The following ERMARD variants were observed in gnomAD, a reference collection of about 807,000 sequenced individuals.
ERMARD encodes the protein endoplasmic reticulum membrane-associated RNA degradation protein.
A neutral mutation model predicts 83.9 loss-of-function variants in ERMARD; 71 were observed. The observed-to-expected ratio is 0.85, with a 90% confidence interval of 0.70 to 1.03. The LOEUF (loss-of-function observed/expected upper bound fraction) is 1.03, where lower values mean the gene tolerates loss of function less well. ERMARD is among the 50% of genes least tolerant of loss of function. The probability of loss-of-function intolerance (pLI) is 0.00; values close to 1 mark genes in which losing one functional copy is unlikely to be tolerated. For missense variants in ERMARD, 838 were observed against 810.9 expected (o/e 1.03, Z -0.41); for synonymous variants, 284 against 298.6 (o/e 0.95, Z 0.50).
In ERMARD at chr6:169,776,451, G is replaced by T; in HGVS notation, c.1521-4G>T. On this transcript the variant is annotated splice_region_variant and splice_polypyrimidine_tract_variant and intron_variant, in intron 15 of 17. Transcript: ENST00000366773. ...GCCTGCTCCAAGTCTGGCTCTGTTTGCAGGTGGCCCCAGCTTCTCCGTGAG... is the reference window on the plus strand; with the variant it reads ...GCCTGCTCCAAGTCTGGCTCTGTTTTCAGGTGGCCCCAGCTTCTCCGTGAG... 1 of 1,612,592 alleles carries T rather than the reference G, an allele frequency of 6.2e-7. No homozygotes were observed.
At chr6:169,773,934 C>T (rs1793277837) in intron 13 of ERMARD, among the ~76,000 whole-genome samples, 1 of 152,200 alleles carries the variant, frequency 6.6e-6, no homozygotes, top group East Asian at 1.9e-4. Context: ...ATATAAGCAT[C>T]ATGACAGTTG....
intron 12 of ERMARD, chr6:169,773,019 G>A: frequency 3.2e-6 from 1 of 317,352 alleles, no homozygotes; most frequent in East Asian, 5.3e-5. Context: ...CTATTTCCTA[G>A]TTACATTTCC....
chr6:169,753,908 GTATGA>G lies in ERMARD; in HGVS notation c.55_59del (p.Asp19AsnfsTer3). On this transcript the variant is annotated frameshift_variant, in exon 2 of 18. Coordinates refer to ENST00000366773, the MANE Select transcript of ERMARD (RefSeq NM_018341.3). LOFTEE classifies it high-confidence loss of function. ...TTACCACATGTCTTTCTCCCTCAGT[GTATGA>G]TATAATTTGTAATCTTGGGTTTCAA... The G allele has an allele frequency of 2.5e-6, 4 of 1,611,848 alleles. No individual in the cohort carries two copies. The highest frequency in any genetic ancestry group is 3.4e-6 in the Non-Finnish European group (4 of 1,178,798).
At chr6:169,751,725 G>C in intron 1 of ERMARD, 62 bp downstream of exon 1, 1 of 1,506,288 alleles carries the variant, frequency 6.6e-7, no homozygotes, top group Non-Finnish European at 8.9e-7. Flanking sequence ...GCCAGGCTGG[G>C]TGGTGCTCGG....
rs1792658642 is a variant in ERMARD, at chr6:169,769,651, C to T, written c.1171C>T (p.Leu391Phe). ...TTCAAAAGAAACAACTAATCAGTTGCTTGCATTTTCTCTTGTACTGCTACT... is the reference window on the plus strand; with the variant it reads ...TTCAAAAGAAACAACTAATCAGTTGTTTGCATTTTCTCTTGTACTGCTACT... ...EFSKETTNQL[L>F]AFSLVLLLRF... Residue 391 changes from leucine to phenylalanine, a missense_variant, in exon 12 of 18, where the codon CTT becomes TTT. Leu to Phe is a conservative substitution (Grantham distance 22). Transcript: ENST00000366773. 1 of 1,612,650 alleles carries T rather than the reference C, an allele frequency of 6.2e-7. No individual in the cohort carries two copies. Among genetic ancestry groups the T allele is most frequent in the Admixed American group, 1.7e-5 (1 of 59,806 alleles).
At chr6:169,755,572 T>C (rs2128341657) in intron 3 of ERMARD, 150 bp downstream of exon 3, 1 of 906,342 alleles carries the variant, frequency 1.1e-6, no homozygotes, top group Non-Finnish European at 1.6e-6. Context: ...TGGGCTATTA[T>C]GCAGGGTCTC....
chr6:169,763,064 T>A (rs760673680), intron 9 of ERMARD, among the ~76,000 whole-genome samples: 5 of 152,338 alleles, frequency 3.3e-5, no homozygotes, highest in Admixed American at 6.5e-5. Flanking sequence ...GAGTTCCACA[T>A]TGACCCCCGG....
intron 13 of ERMARD, 118 bp downstream of exon 13, chr6:169,773,520 C>A: frequency 2.0e-6 from 2 of 1,002,798 alleles, no homozygotes; most frequent in Non-Finnish European, 3.0e-6. Context: ...TTGGGCAGAT[C>A]CAGCTTTTTA....
At position 169,768,089 on chromosome 6, in the gene ERMARD, TTTTGATGTTTTAGA is replaced by T. The variant is rs762499558; in HGVS notation, c.991-12_992del. On this transcript the variant is annotated splice_acceptor_variant and splice_polypyrimidine_tract_variant and coding_sequence_variant and intron_variant, in exon 11 of 18. Transcript: ENST00000366773. LOFTEE classifies it high-confidence loss of function. ...GGGACCAGTTAACCAATGTATTTAT[TTTTGATGTTTTAGA>T]TATTGGCAAAACACTTGAATGATGG... The T allele has an allele frequency of 2.5e-6, 4 of 1,609,430 alleles. No individual in the cohort carries two copies. The highest frequency in any genetic ancestry group is 3.4e-6 in the Non-Finnish European group (4 of 1,175,824).
At chr6:169,774,144 G>T (rs1369607546) in intron 13 of ERMARD, among the ~76,000 whole-genome samples, 1 of 152,192 alleles carries the variant, frequency 6.6e-6, no homozygotes, top group Middle Eastern at 3.2e-3. Flanking sequence ...GACCATCCTG[G>T]CTAACACAGT....
At chr6:169,769,736 A>T in intron 12 of ERMARD, 23 bp downstream of exon 12, 1 of 1,552,880 alleles carries the variant, frequency 6.4e-7, no homozygotes, top group East Asian at 2.3e-5. Context: ...GAAGAAAATC[A>T]TTAATTAGAT....
At chr6:169,778,640 C>A (rs1028546903) in intron 16 of ERMARD, among the ~76,000 whole-genome samples, 5 of 152,230 alleles carry the variant, frequency 3.3e-5, no homozygotes, top group African/African-American at 9.6e-5. Context: ...TACACTCTTA[C>A]CAGCAGTTTA....
intron 16 of ERMARD, among the ~76,000 whole-genome samples, chr6:169,778,948 C>T (rs1362174549): frequency 6.6e-6 from 1 of 152,238 alleles, no homozygotes; most frequent in Admixed American, 6.5e-5. Context: ...GATGGTGACT[C>T]AGAGCAAGAA....
Position 169,776,679 on chromosome 6 carries a change from C to T in ERMARD, c.1739+6C>T, listed in dbSNP as rs755486135. 2.2e-5 allele frequency: 36 copies of T among 1,612,712 alleles called. No homozygotes were observed. The highest frequency in any genetic ancestry group is 2.2e-5 in the East Asian group (1 of 44,892). On this transcript the variant is annotated splice_donor_region_variant and intron_variant, in intron 16 of 17. Transcript: ENST00000366773. ...TACCTGCGTATGTGGAGTAGGTGCG[C>T]GCTCACTTTCCTGTTTTGGAGGGGC...
rs200956701 is a variant in ERMARD, at chr6:169,773,437, A to G, written c.1317+35A>G. The G allele has an allele frequency of 1.8e-4, 287 of 1,600,168 alleles. 1 individual carries two copies. The African/African-American group carries it at 2.0e-3, about 11-fold the overall frequency. On this transcript the variant is annotated intron_variant, in intron 13 of 17. Transcript: ENST00000366773. ...ATGCAGGGTCCCGGGAGGGGCGTGT[A>G]TGTCTCTGAAACCACCTGTCTTCTG...
intron 14 of ERMARD, 77 bp from the exon 15 acceptor site, chr6:169,775,863 A>G: frequency 6.5e-7 from 1 of 1,546,656 alleles, no homozygotes; most frequent in Admixed American, 1.9e-5. Context: ...TCAGTGAACC[A>G]TTGAACATTC....
intron 6 of ERMARD, 95 bp downstream of exon 6, chr6:169,759,160 A>C: frequency 9.0e-7 from 1 of 1,108,924 alleles, no homozygotes; most frequent in Admixed American, 2.0e-5. Context: ...GATTTTGTGA[A>C]AGATAAGTGA....
intron 2 of ERMARD, 49 bp downstream of exon 2, chr6:169,754,081 A>T: frequency 6.5e-7 from 1 of 1,543,020 alleles, no homozygotes; most frequent in South Asian, 1.2e-5. Flanking sequence ...CCCATTGAAA[A>T]TGTCTTGACC....
intron 12 of ERMARD, chr6:169,770,505 T>G (rs1792769084): frequency 1.3e-5 from 2 of 152,384 alleles, no homozygotes; most frequent in South Asian, 4.1e-4. Flanking sequence ...TGTAGAAAAT[T>G]CCTAATTATT....
Sources: allele counts gnomAD v4.1 joint callset (sites outside exome capture counted in the v4.1 genomes callset), GRCh38; gene constraint gnomAD v4.1.1; transcripts MANE v1.5; gene names NCBI Gene and HGNC (gene_info 2026-07-23, HGNC 2026-07-21).